GCNT2: variants seen among roughly 807,000 people sequenced by gnomAD.
The protein encoded by GCNT2 is N-acetyllactosaminide beta-1,6-N-acetylglucosaminyl-transferase.
In GCNT2, 34 loss-of-function variants were observed where a neutral mutation model predicts 34.2. That is an observed-to-expected ratio of 1.00 (90% CI 0.76 to 1.32). GCNT2 has a LOEUF of 1.32. Ranked by LOEUF, GCNT2 falls within the 40% of genes most tolerant of loss-of-function variation. GCNT2 has a pLI of 0.00. For missense variants in GCNT2, 584 were observed against 489.4 expected, an observed-to-expected ratio of 1.19 and a Z score of -1.82; for synonymous variants, 212 against 188.0, an observed-to-expected ratio of 1.13 and a Z score of -1.04.
chr6:10,543,431 T>A (rs957523376), intron 3 of GCNT2, among the ~76,000 whole-genome samples: 3 of 152,074 alleles, frequency 2.0e-5, no homozygotes, highest in Non-Finnish European at 1.5e-5. Flanking sequence ...CCTCAAATGA[T>A]CCACCTGCCT....
intron 3 of GCNT2, among the ~76,000 whole-genome samples, chr6:10,546,593 A>T (rs889966912): frequency 2.0e-5 from 3 of 152,128 alleles, no homozygotes; most frequent in African/African-American, 7.2e-5. Flanking sequence ...CAGGGGGCGG[A>T]GGTTGCAGTG....
chr6:10,549,615 A>G (rs1581391489), intron 3 of GCNT2, among the ~76,000 whole-genome samples: 1 of 118,602 alleles, frequency 8.4e-6, no homozygotes, highest in Admixed American at 1.2e-4. Flanking sequence ...TCTGTCACCC[A>G]GGTTGGAGTG....
rs756999080 is a variant in GCNT2, at chr6:10,557,176, TC to T, written c.925+27347del. 1.1e-5 allele frequency: 17 copies of T among 1,549,064 alleles called. 1 individual carries two copies. Among genetic ancestry groups the T allele is most frequent in the East Asian group, 6.8e-5 (3 of 44,382 alleles). ...TAAGAACAACAGCGTTGAAACCGCC[TC>T]CCCCCCATAATCTCACAATTTACTT... On this transcript the variant is annotated intron_variant, in intron 3 of 4. Transcript: ENST00000495262.
At chr6:10,542,382 A>G (rs930210548) in intron 3 of GCNT2, among the ~76,000 whole-genome samples, 4 of 151,204 alleles carry the variant, frequency 2.6e-5, no homozygotes, top group African/African-American at 9.9e-5. Context: ...AATTTATGAC[A>G]TATAATTTAC....
At chr6:10,585,943 C>T in intron 3 of GCNT2, 1 of 1,609,508 alleles carries the variant, frequency 6.2e-7, no homozygotes. Context: ...CCGATCATTT[C>T]TCATTCCCTG....
At chr6:10,582,449 A>G (rs1256094495) in intron 3 of GCNT2, among the ~76,000 whole-genome samples, 5 of 125,436 alleles carry the variant, frequency 4.0e-5, no homozygotes, top group East Asian at 2.1e-4. Flanking sequence ...TTTATTATAT[A>G]ATATATATAA....
intron 3 of GCNT2, chr6:10,557,367 C>A: frequency 6.4e-7 from 1 of 1,566,932 alleles, no homozygotes. Context: ...ATATTTCATG[C>A]AAAAGAAATG....
intron 3 of GCNT2, among the ~76,000 whole-genome samples, chr6:10,532,914 C>CTTTTTTTTTT (rs67442555): frequency 2.3e-5 from 2 of 85,406 alleles, no homozygotes; most frequent in Non-Finnish European, 4.5e-5. Flanking sequence ...GTGGTTTTTG[C>CTTTTTTTTTT]TTTTTTTTTT....
At chr6:10,533,474 G>A (rs1761594721) in intron 3 of GCNT2, among the ~76,000 whole-genome samples, 1 of 151,096 alleles carries the variant, frequency 6.6e-6, no homozygotes. Context: ...GTAAAAAGAA[G>A]CAGATAATAT....
At chr6:10,625,545 C>T (rs1766223387) in intron 4 of GCNT2, among the ~76,000 whole-genome samples, 1 of 152,064 alleles carries the variant, frequency 6.6e-6, no homozygotes, top group Non-Finnish European at 1.5e-5. Context: ...TCAATATTGA[C>T]GTGTTACATC....
chr6:10,583,344 C>T (rs1342902077), intron 3 of GCNT2, among the ~76,000 whole-genome samples: 1 of 152,128 alleles, frequency 6.6e-6, no homozygotes, highest in African/African-American at 2.4e-5. Context: ...CTAACAGGAG[C>T]AGCTGTTCCA....
intron 3 of GCNT2, among the ~76,000 whole-genome samples, chr6:10,579,057 C>G (rs1156427701): frequency 1.3e-5 from 2 of 152,174 alleles, no homozygotes; most frequent in African/African-American, 2.4e-5. Flanking sequence ...ATATGAATTT[C>G]TCTGATCTCT....
chr6:10,596,267 T>C (rs1343390362), intron 3 of GCNT2, among the ~76,000 whole-genome samples: 2 of 152,142 alleles, frequency 1.3e-5, no homozygotes, highest in Non-Finnish European at 2.9e-5. Context: ...CTCACACCTG[T>C]AATCCTAGCA....
chr6:10,532,648 T>C (rs543954896), intron 3 of GCNT2, among the ~76,000 whole-genome samples: 2 of 152,236 alleles, frequency 1.3e-5, no homozygotes, highest in Non-Finnish European at 2.9e-5. Context: ...ACTTTAACTT[T>C]TGTAGAGACG....
rs775172993 is a variant in GCNT2, at chr6:10,529,336, A to G, written c.425A>G (p.Gln142Arg). The change falls in exon 3 of 5, where the codon CAG becomes CGG. Residue 142 changes from glutamine to arginine, a missense_variant. Transcript: ENST00000495262. ...GATGCCTTTAAAGGTGCAGTGAAAC[A>G]GTTACTCAGCTGCTTCCCAAATGCT... is the stretch of plus-strand genomic sequence containing the variant. ...ATDAFKGAVK[Q>R]LLSCFPNAFL... 8 of 1,613,932 alleles carry G rather than the reference A, an allele frequency of 5.0e-6. No individual in the cohort carries two copies. The highest frequency in any genetic ancestry group is 6.8e-6 in the Non-Finnish European group (8 of 1,180,034).
chr6:10,599,979 G>A (rs1351302707), intron 3 of GCNT2, among the ~76,000 whole-genome samples: 4 of 152,142 alleles, frequency 2.6e-5, no homozygotes, highest in Non-Finnish European at 4.4e-5. Context: ...TCCTGTGCTG[G>A]GGTTGGAAGG....
chr6:10,582,661 G>C (rs1049938091), intron 3 of GCNT2, among the ~76,000 whole-genome samples: 1 of 146,542 alleles, frequency 6.8e-6, no homozygotes, highest in Non-Finnish European at 1.5e-5. Flanking sequence ...CAGTGATGGG[G>C]AAGAAAAGAG....
intron 3 of GCNT2, among the ~76,000 whole-genome samples, chr6:10,584,469 T>G (rs557451441): frequency 4.6e-5 from 7 of 152,084 alleles, no homozygotes; most frequent in South Asian, 2.1e-4. Context: ...CATTGAGGCC[T>G]TCTTCTTTCA....
chr6:10,605,900 G>T (rs913689909), intron 3 of GCNT2, among the ~76,000 whole-genome samples: 2 of 152,100 alleles, frequency 1.3e-5, no homozygotes, highest in African/African-American at 4.8e-5. Context: ...AGATGGTCTC[G>T]GATGGTATCA....
Sources: allele counts gnomAD v4.1 joint callset (sites outside exome capture counted in the v4.1 genomes callset), GRCh38; gene constraint gnomAD v4.1.1; transcripts MANE v1.5; gene names NCBI Gene and HGNC (gene_info 2026-07-23, HGNC 2026-07-21).